Variants in TMEM170B observed in about 807,000 individuals in gnomAD.
TMEM170B encodes the protein transmembrane protein 170B.
TMEM170B carries 6 observed loss-of-function variants against 13.0 expected under a neutral mutation model. That is an observed-to-expected ratio of 0.46 (90% CI 0.25 to 0.91). The LOEUF is 0.91. Ranked by LOEUF, TMEM170B falls within the 40% of genes least tolerant of loss-of-function variation. The probability of loss-of-function intolerance (pLI) is 0.17; values close to 1 mark genes in which losing one functional copy is unlikely to be tolerated. For missense variants in TMEM170B, 138 were observed against 165.2 expected, an observed-to-expected ratio of 0.84 and a Z score of 0.90; for synonymous variants, 61 against 64.9, an observed-to-expected ratio of 0.94 and a Z score of 0.29.
intron 1 of TMEM170B, among the ~76,000 whole-genome samples, chr6:11,563,305 C>T (rs917529799): frequency 1.3e-5 from 2 of 152,008 alleles, no homozygotes; most frequent in Admixed American, 1.3e-4. Flanking sequence ...CACACCAGGC[C>T]CCCCTCCCCG....
intron 1 of TMEM170B, among the ~76,000 whole-genome samples, chr6:11,548,577 A>G (rs1028251319): frequency 6.6e-6 from 1 of 152,216 alleles, no homozygotes; most frequent in Non-Finnish European, 1.5e-5. Context: ...TTACTGGTGT[A>G]TATCCAAAGG....
rs1759312722 is a variant in TMEM170B at position 11,538,492 on chromosome 6, C to G, written c.97+118C>G. ...ACCCCCGTGCGCGCCCCGCTCGGAG[C>G]TCCAGGTCCCGGCGAGGAAGGTGTT... On this transcript the variant is annotated intron_variant, in intron 1 of 2. Transcript: ENST00000379426. 6 of 752,024 alleles carry G rather than the reference C, an allele frequency of 8.0e-6. No homozygotes were observed. In the East Asian group the frequency reaches 1.1e-4, roughly 14 times the overall value. 46.6% of individuals were successfully genotyped at this position (752,024 alleles called of 1,614,324 possible).
chr6:11,554,985 A>C (rs1019754638), intron 1 of TMEM170B, among the ~76,000 whole-genome samples: 2 of 152,020 alleles, frequency 1.3e-5, no homozygotes, highest in African/African-American at 2.4e-5. Context: ...TCCTTTGTTG[A>C]TTATTTCTTG....
chr6:11,541,753 C>T (rs554594202), intron 1 of TMEM170B, among the ~76,000 whole-genome samples: 1 of 152,318 alleles, frequency 6.6e-6, no homozygotes, highest in South Asian at 2.1e-4. Context: ...TTTATCATCT[C>T]TAGCACTTGA....
intron 1 of TMEM170B, among the ~76,000 whole-genome samples, chr6:11,560,329 TA>T (rs1192089707): frequency 4.4e-5 from 1 of 22,536 alleles, no homozygotes; most frequent in Admixed American, 3.1e-4. Context: ...CACGCCCAGC[TA>T]TTTTTTTTTT....
chr6:11,554,801 GCTCT>G (rs920459423), intron 1 of TMEM170B, among the ~76,000 whole-genome samples: 16 of 152,024 alleles, frequency 1.1e-4, no homozygotes, highest in African/African-American at 3.9e-4. Context: ...TAATGTTTCT[GCTCT>G]CTCTTAAGAG....
chr6:11,581,905 A>G lies in TMEM170B; in HGVS notation c.*6344A>G, dbSNP rs1219988994. ...AATGACTTGCTTTTAATAGCAGATG[A>G]GTTGATAGTTTAACTGTTGACACTT... On this transcript the variant is annotated 3_prime_UTR_variant, in exon 3 of 3. Coordinates refer to ENST00000379426, the MANE Select transcript of TMEM170B (RefSeq NM_001100829.3). 6.6e-6 allele frequency: 1 copy of G among 152,212 alleles called. No individual in the cohort carries two copies. The highest frequency in any genetic ancestry group is 1.5e-5 in the Non-Finnish European group (1 of 68,028). The allele number at this position is 152,212 out of a possible 1,614,324, so 9.4% of individuals were successfully genotyped here.
At chr6:11,568,726 G>A (rs1376714762) in intron 2 of TMEM170B, among the ~76,000 whole-genome samples, 2 of 152,064 alleles carry the variant, frequency 1.3e-5, no homozygotes, top group Non-Finnish European at 2.9e-5. Context: ...AGGAAAACTA[G>A]CCAATGTGAA....
intron 1 of TMEM170B, among the ~76,000 whole-genome samples, chr6:11,560,693 A>T (rs1355048940): frequency 6.7e-6 from 1 of 149,616 alleles, no homozygotes; most frequent in East Asian, 2.0e-4. Flanking sequence ...GTATAAAATG[A>T]TATCATTCAT....
In TMEM170B at chr6:11,549,546, C is replaced by G. The variant is rs576754995; in HGVS notation, c.97+11172C>G. Among the ~76,000 whole-genome samples the G allele has an allele frequency of 6.6e-5, 10 of 152,104 alleles. No homozygotes were observed. In the East Asian group the frequency reaches 1.5e-3, roughly 24 times the overall value. On this transcript the variant is annotated intron_variant, in intron 1 of 2. Transcript: ENST00000379426. ...GGCGTAGTGGCGGGCACCTATAGTC[C>G]CAGCTACTCGGGAGGCTGAGGCAGG... is the stretch of plus-strand genomic sequence containing the variant.
chr6:11,553,169 T>C (rs982601209), intron 1 of TMEM170B, among the ~76,000 whole-genome samples: 2 of 152,142 alleles, frequency 1.3e-5, no homozygotes, highest in Non-Finnish European at 2.9e-5. Context: ...GCAGAACCCA[T>C]GTATGTGAAA....
intron 1 of TMEM170B, among the ~76,000 whole-genome samples, chr6:11,561,132 G>A (rs1411072675): frequency 6.6e-6 from 1 of 152,198 alleles, no homozygotes; most frequent in African/African-American, 2.4e-5. Flanking sequence ...TCTGAGATAC[G>A]TTCTGGAAGA....
At position 11,553,350 on chromosome 6, in the gene TMEM170B, A is replaced by G. The variant is rs554545962; in HGVS notation, c.98-12316A>G. Among the ~76,000 whole-genome samples the G allele has an allele frequency of 1.8e-3, 273 of 152,316 alleles. 2 individuals are homozygous for G. Among genetic ancestry groups the G allele is most frequent in the African/African-American group, 6.3e-3 (263 of 41,566 alleles). The stretch of plus-strand genomic sequence containing the variant: ...AACATTTTAGTTATATTAAATCTGA[A>G]GTATATAGGAGAATCAAACATTAAA... On this transcript the variant is annotated intron_variant, in intron 1 of 2. Coordinates refer to ENST00000379426, the MANE Select transcript of TMEM170B (RefSeq NM_001100829.3).
rs1470970653 is a variant in TMEM170B at position 11,549,293 on chromosome 6, A to AT, written c.97+10925dup. Among the ~76,000 whole-genome samples the AT allele has an allele frequency of 2.6e-5, 4 of 151,082 alleles. No individual in the cohort carries two copies. In the East Asian group the frequency reaches 5.8e-4, roughly 22 times the overall value. Reference sequence around the variant, plus strand: ...ATGTGATATCAGGTGTGATAGGTTAATTTTTTATTTTAAATGACTAACTAC... The same window carrying AT: ...ATGTGATATCAGGTGTGATAGGTTAATTTTTTTATTTTAAATGACTAACTAC... On this transcript the variant is annotated intron_variant, in intron 1 of 2. Transcript: ENST00000379426.
intron 1 of TMEM170B, among the ~76,000 whole-genome samples, chr6:11,552,578 G>A (rs898545426): frequency 1.3e-5 from 2 of 152,180 alleles, no homozygotes; most frequent in African/African-American, 4.8e-5. Flanking sequence ...GGGAAGTTGA[G>A]GTTGGGTTTT....
Position 11,578,238 on chromosome 6 carries a change from A to C in TMEM170B, c.*2677A>C, listed in dbSNP as rs1372727611. 6.6e-6 allele frequency: 1 copy of C among 152,190 alleles called. No individual in the cohort carries two copies. Among genetic ancestry groups the C allele is most frequent in the East Asian group, 1.9e-4 (1 of 5,200 alleles). 9.4% of individuals were successfully genotyped at this position (152,190 alleles called of 1,614,324 possible). ...AGAGCTGGAGACCCTTGTTTGGGAC[A>C]TGACAAAAGTCCTTATTGATGTATT... On this transcript the variant is annotated 3_prime_UTR_variant, in exon 3 of 3. Transcript: ENST00000379426.
Position 11,581,615 on chromosome 6 carries a change from CTG to C in TMEM170B, c.*6056_*6057del, listed in dbSNP as rs1759958554. 2 of 152,322 alleles carry C rather than the reference CTG, an allele frequency of 1.3e-5. No homozygotes were observed. Among genetic ancestry groups the C allele is most frequent in the Non-Finnish European group, 2.9e-5 (2 of 68,018 alleles). The allele number at this position is 152,322 out of a possible 1,614,324, so 9.4% of individuals were successfully genotyped here. ...ATAATCAATCGTCTGAGTCCCATAA[CTG>C]TAACACTTTTTCTCTTATAAATTGG... On this transcript the variant is annotated 3_prime_UTR_variant, in exon 3 of 3. Transcript: ENST00000379426.
At chr6:11,540,756 G>A (rs186447947) in intron 1 of TMEM170B, among the ~76,000 whole-genome samples, 56 of 152,280 alleles carry the variant, frequency 3.7e-4, no homozygotes, top group Middle Eastern at 6.8e-3. Flanking sequence ...GTCCATCAGA[G>A]GAATCACTAT....
chr6:11,545,067 G>T (rs1759414799), intron 1 of TMEM170B, among the ~76,000 whole-genome samples: 1 of 152,078 alleles, frequency 6.6e-6, no homozygotes, highest in Non-Finnish European at 1.5e-5. Flanking sequence ...AAAGGGCAGG[G>T]TCTGTAAATC....
Sources: allele counts gnomAD v4.1 joint callset (sites outside exome capture counted in the v4.1 genomes callset), GRCh38; gene constraint gnomAD v4.1.1; transcripts MANE v1.5; gene names NCBI Gene and HGNC (gene_info 2026-07-23, HGNC 2026-07-21).